The following EHBP1 variants were observed in gnomAD, a reference collection of about 807,000 sequenced individuals.
The protein encoded by EHBP1 is EH domain-binding protein 1.
EHBP1 carries 55 observed loss-of-function variants against 144.0 expected under a neutral mutation model. The ratio of observed to expected loss-of-function variants is 0.38; its 90% CI spans 0.31 to 0.48. The LOEUF is 0.48. Among genes scored for constraint, EHBP1 ranks in the 20% least tolerant of loss-of-function variants. The probability of loss-of-function intolerance (pLI) is 0.98; values close to 1 mark genes in which losing one functional copy is unlikely to be tolerated. For missense variants in EHBP1, 1,200 were observed against 1,364.2 expected, an observed-to-expected ratio of 0.88 and a Z score of 1.90; for synonymous variants, 469 against 472.7, an observed-to-expected ratio of 0.99 and a Z score of 0.10.
At chr2:62,891,153 G>A (rs1287098593) in intron 10 of EHBP1, among the ~76,000 whole-genome samples, 1 of 146,776 alleles carries the variant, frequency 6.8e-6, no homozygotes, top group Non-Finnish European at 1.5e-5. Flanking sequence ...CTCCAGCCTG[G>A]GCGACAAAAA....
chr2:62,733,648 C>T (rs1445643626), intron 2 of EHBP1, among the ~76,000 whole-genome samples: 2 of 152,154 alleles, frequency 1.3e-5, no homozygotes, highest in Non-Finnish European at 2.9e-5. Flanking sequence ...TGAGGGTAGG[C>T]CTTATTAAGA....
chr2:62,811,505 G>A (rs952428116), intron 5 of EHBP1, among the ~76,000 whole-genome samples: 5 of 152,204 alleles, frequency 3.3e-5, no homozygotes, highest in Non-Finnish European at 7.3e-5. Flanking sequence ...AGAGTTAAAT[G>A]AGAGAATGCC....
At chr2:62,955,441 C>T in intron 13 of EHBP1, 76 bp from the exon 14 acceptor site, 1 of 1,395,402 alleles carries the variant, frequency 7.2e-7, no homozygotes, top group Non-Finnish European at 9.8e-7. Flanking sequence ...AGCAGATTGT[C>T]TAACCTTTCA....
chr2:62,715,690 A>G (rs773043757), intron 2 of EHBP1, among the ~76,000 whole-genome samples: 5 of 152,114 alleles, frequency 3.3e-5, no homozygotes, highest in Non-Finnish European at 7.4e-5. Context: ...TGAGGTATGG[A>G]CCCAGAAGGA....
intron 15 of EHBP1, chr2:62,987,903 C>T (rs1379838756): frequency 7.7e-6 from 9 of 1,174,504 alleles, no homozygotes; most frequent in Non-Finnish European, 1.1e-5. Flanking sequence ...AAATAATATA[C>T]TAACATTATT....
chr2:62,882,883 A>C (rs201684985), intron 10 of EHBP1, among the ~76,000 whole-genome samples: 1 of 124 alleles, frequency 8.1e-3, no homozygotes, highest in Non-Finnish European at 0.013. Flanking sequence ...ACTCCCTCTC[A>C]AAAAAAAAAA....
chr2:62,851,781 G>A (rs911288024), intron 7 of EHBP1, among the ~76,000 whole-genome samples: 1 of 151,872 alleles, frequency 6.6e-6, no homozygotes, highest in African/African-American at 2.4e-5. Flanking sequence ...AATGAAAGTT[G>A]TAGAAGCAGA....
At chr2:62,966,158 A>G (rs769616751) in intron 14 of EHBP1, among the ~76,000 whole-genome samples, 3 of 152,192 alleles carry the variant, frequency 2.0e-5, no homozygotes, top group Non-Finnish European at 2.9e-5. Flanking sequence ...CTTTGTCTTG[A>G]AGTATTTCAG....
rs2033430733 is a variant in EHBP1, at chr2:62,679,441, TG to T, written c.-296+5359del. Reference sequence around the variant, plus strand: ...TACCTGATTAATTTTAGCACTTTTTTGTTCCTGTAATAGTCAGTTTAGCATT... The same window carrying T: ...TACCTGATTAATTTTAGCACTTTTTTTTCCTGTAATAGTCAGTTTAGCATT... On this transcript the variant is annotated intron_variant, in intron 1 of 22. Transcript: ENST00000405015. Among the ~76,000 whole-genome samples, 3 of 152,218 alleles carry T rather than the reference TG, an allele frequency of 2.0e-5. 1 individual carries two copies. In the South Asian group the frequency reaches 6.2e-4, roughly 32 times the overall value.
Position 62,696,272 on chromosome 2 carries a change from G to A in EHBP1, c.-295-10625G>A, listed in dbSNP as rs867435774. ...TGCAGCCTCTTCCTCCCAGGTTCAA[G>A]CAATTCTCCTGTCTCAGCCTCCCAA... is the stretch of plus-strand genomic sequence containing the variant. On this transcript the variant is annotated intron_variant, in intron 1 of 22. Coordinates refer to the EHBP1 transcript ENST00000405015. Among the ~76,000 whole-genome samples the A allele has an allele frequency of 2.0e-5, 3 of 151,494 alleles. No homozygotes were observed. In the South Asian group the frequency reaches 6.2e-4, roughly 31 times the overall value.
At chr2:62,849,605 A>G (rs1348938528) in intron 7 of EHBP1, among the ~76,000 whole-genome samples, 1 of 152,264 alleles carries the variant, frequency 6.6e-6, no homozygotes. Flanking sequence ...AGATAGATAC[A>G]TAGATAAAAC....
intron 3 of EHBP1, among the ~76,000 whole-genome samples, chr2:62,762,715 A>G (rs1188787312): frequency 6.6e-6 from 1 of 152,066 alleles, no homozygotes; most frequent in Non-Finnish European, 1.5e-5. Flanking sequence ...CTTTTCTACC[A>G]CCCCAAGCCA....
chr2:62,977,154 T>C (rs138189301), intron 14 of EHBP1, among the ~76,000 whole-genome samples: 18 of 151,404 alleles, frequency 1.2e-4, no homozygotes, highest in Admixed American at 4.6e-4. Context: ...ACACCTCTAA[T>C]TGATGATTCC....
At chr2:62,903,576 A>C (rs1184770704) in intron 10 of EHBP1, among the ~76,000 whole-genome samples, 1 of 152,168 alleles carries the variant, frequency 6.6e-6, no homozygotes, top group Non-Finnish European at 1.5e-5. Flanking sequence ...CACCTTGGGC[A>C]ACATAGTTAG....
chr2:62,815,922 A>G (rs928114926), intron 5 of EHBP1, among the ~76,000 whole-genome samples: 2 of 152,222 alleles, frequency 1.3e-5, no homozygotes, highest in Admixed American at 6.5e-5. Context: ...GCCTGGATAA[A>G]AGATTCATTC....
At chr2:63,042,290 GCATT>G (rs1251466215) in intron 21 of EHBP1, among the ~76,000 whole-genome samples, 1 of 151,946 alleles carries the variant, frequency 6.6e-6, no homozygotes, top group East Asian at 1.9e-4. Context: ...TCTCAAATTA[GCATT>G]CAAATATATA....
chr2:62,755,561 T>A (rs1203823946), intron 3 of EHBP1, among the ~76,000 whole-genome samples: 2 of 152,200 alleles, frequency 1.3e-5, no homozygotes, highest in Non-Finnish European at 2.9e-5. Flanking sequence ...TTTTAACTTG[T>A]AAGAAATTGC....
In EHBP1 at chr2:63,022,907, C is replaced by T. The variant is rs7593269; in HGVS notation, c.3104-14628C>T. 2.6e-3 allele frequency among the ~76,000 whole-genome samples: 393 copies of T among 152,264 alleles called. 4 individuals are homozygous for T. Among genetic ancestry groups the T allele is most frequent in the African/African-American group, 8.3e-3 (344 of 41,552 alleles). ...AAACATTAGAGGCCGGGCACAGTGGCTCACGCCTGTAATCCTAGCATTTTG... is the reference window on the plus strand; with the variant it reads ...AAACATTAGAGGCCGGGCACAGTGGTTCACGCCTGTAATCCTAGCATTTTG... On this transcript the variant is annotated intron_variant, in intron 19 of 22. Coordinates refer to ENST00000431489, the MANE Select transcript of EHBP1 (RefSeq NM_001142616.3).
chr2:62,761,364 A>G (rs1385301609), intron 3 of EHBP1, among the ~76,000 whole-genome samples: 1 of 152,154 alleles, frequency 6.6e-6, no homozygotes, highest in Non-Finnish European at 1.5e-5. Context: ...GTTTTGTGAC[A>G]GGGTGGCAAT....
Sources: gnomAD v4.1 joint callset for allele counts (sites outside exome capture counted in the v4.1 genomes callset) on GRCh38, gnomAD v4.1.1 for gene constraint, MANE v1.5 for transcripts, NCBI Gene and HGNC (gene_info 2026-07-23, HGNC 2026-07-21) for gene names.